TMC4: variants seen among roughly 807,000 people sequenced by gnomAD.
TMC4 encodes voltage-gated chloride channel TMC4.
In TMC4, 70 loss-of-function variants were observed where a neutral mutation model predicts 82.0. That is an observed-to-expected ratio of 0.85 (90% CI 0.70 to 1.04). TMC4 has a LOEUF of 1.04. TMC4 is among the 50% of genes least tolerant of loss of function. The pLI is 0.00. For missense variants in TMC4, 879 were observed against 899.0 expected (o/e 0.98, Z 0.28); for synonymous variants, 446 against 406.0 (o/e 1.10, Z -1.18).
Position 54,167,654 on chromosome 19 carries a change from G to C in TMC4, c.797+517C>G, listed in dbSNP as rs1374967917. ...GATGGAGTTTCTCTCTGTCGCCCAG[G>C]CTGGAGTGCAGTGGCGCAAACTCGG... is the stretch of plus-strand genomic sequence containing the variant. On this transcript the variant is annotated intron_variant, in intron 5 of 14. Coordinates refer to ENST00000619895, the MANE Select transcript of TMC4 (RefSeq NM_144686.4). Among the ~76,000 whole-genome samples the C allele has an allele frequency of 2.0e-5, 3 of 149,946 alleles. No homozygotes were observed. The East Asian group carries it at 6.1e-4, about 31-fold the overall frequency.
At chr19:54,168,080 A>T in intron 5 of TMC4, 91 bp downstream of exon 5, 5 of 1,369,574 alleles carry the variant, frequency 3.7e-6, no homozygotes, top group Non-Finnish European at 4.9e-6. Context: ...AAAAAGACTG[A>T]GGATTCTTGG....
rs2075835362 is a variant in TMC4, at chr19:54,169,621, A to G, written c.333T>C (p.Ser111=). ...NASRDQVVYG[S]GTKTDRWARL... ...GCGCCCATCGGTCCGTCTTAGTTCC[A>G]GAGCCATAGACCACCTGGTCCCTGC... Residue 111 remains serine (S), a synonymous_variant, in exon 3 of 15, where the codon TCT becomes TCC. Transcript: ENST00000619895. 6.2e-7 allele frequency: 1 copy of G among 1,613,930 alleles called. No individual in the cohort carries two copies. Among genetic ancestry groups the G allele is most frequent in the Non-Finnish European group, 8.5e-7 (1 of 1,180,040 alleles).
intron 2 of TMC4, among the ~76,000 whole-genome samples, chr19:54,170,236 T>C (rs1428790719): frequency 6.6e-6 from 1 of 151,136 alleles, no homozygotes; most frequent in African/African-American, 2.4e-5. Flanking sequence ...AGCAGGAGGC[T>C]GGAGTGGGAG....
At chr19:54,170,611 G>A (rs73062684) in intron 2 of TMC4, among the ~76,000 whole-genome samples, 1 of 137,590 alleles carries the variant, frequency 7.3e-6, no homozygotes, top group Non-Finnish European at 1.6e-5. Flanking sequence ...TCCTGTGTTT[G>A]TTTTATTTTA....
At chr19:54,164,684 TC>T in intron 6 of TMC4, 83 bp from the exon 7 acceptor site, 1 of 1,566,888 alleles carries the variant, frequency 6.4e-7, no homozygotes, top group Non-Finnish European at 8.7e-7. Flanking sequence ...TCTCCAGAGA[TC>T]CTCCTTAACG....
chr19:54,170,660 T>C (rs1346536419), intron 2 of TMC4, among the ~76,000 whole-genome samples: 3 of 152,136 alleles, frequency 2.0e-5, no homozygotes, highest in Admixed American at 6.6e-5. Flanking sequence ...CAGACAAATG[T>C]CTCGTTTTGT....
intron 6 of TMC4, among the ~76,000 whole-genome samples, chr19:54,164,997 T>G (rs1453349641): frequency 9.3e-5 from 14 of 150,660 alleles, no homozygotes; most frequent in Non-Finnish European, 5.9e-5. Flanking sequence ...TGCTGGCCGC[T>G]CCCATCACTT....
chr19:54,168,047 G>T, intron 5 of TMC4, 124 bp downstream of exon 5: 2 of 1,232,176 alleles, frequency 1.6e-6, no homozygotes, highest in South Asian at 1.6e-5. Context: ...TGGGCAATAA[G>T]AGCAAAACTC....
chr19:54,161,181 A>C lies in TMC4; in HGVS notation c.1766T>G (p.Leu589Arg). ...GCTGGAGATGGCCAGACCCAGGAGA[A>C]GGACCAAGGGGAAAAAGAAATTCGC... ...SAANFFFPLV[L>R]LLGLAISSVP... Residue 589 changes from leucine (L) to arginine (R), a missense_variant, in exon 12 of 15, where the codon CTT becomes CGT. Leu to Arg is a moderately radical substitution (Grantham distance 102). Transcript: ENST00000619895. 6.3e-7 allele frequency: 1 copy of C among 1,594,326 alleles called. No individual in the cohort carries two copies. The highest frequency in any genetic ancestry group is 8.5e-7 in the Non-Finnish European group (1 of 1,171,902).
chr19:54,161,191 G>A lies in TMC4; in HGVS notation c.1756C>T (p.Pro586Ser), dbSNP rs2075541105. ...FRASAANFFF[P>S]LVLLLGLAIS... is the part of the protein sequence containing the mutation. ...GCCAGACCCAGGAGAAGGACCAAGGGGAAAAAGAAATTCGCCGCGGAGGCC... is the reference window on the plus strand; with the variant it reads ...GCCAGACCCAGGAGAAGGACCAAGGAGAAAAAGAAATTCGCCGCGGAGGCC... The change falls in exon 12 of 15, where the codon CCC (proline) becomes TCC (serine). Residue 586 changes from proline (P) to serine (S), a missense_variant. By Grantham distance (74) the Pro-to-Ser change is moderately conservative. Transcript: ENST00000619895. The A allele has an allele frequency of 1.3e-6, 2 of 1,594,146 alleles. No homozygotes were observed. Among genetic ancestry groups the A allele is most frequent in the Non-Finnish European group, 1.7e-6 (2 of 1,171,512 alleles).
Position 54,161,165 on chromosome 19 carries a change from G to A in TMC4, c.1782C>T (p.Ala594=), listed in dbSNP as rs1279460054. The change falls in exon 12 of 15, where the codon GCC becomes GCT. Residue 594 remains alanine, a synonymous_variant. Coordinates refer to ENST00000619895, the MANE Select transcript of TMC4 (RefSeq NM_144686.4). ...FFPLVLLLGL[A]ISSVPLLYSI... ...TGTAAAGCAGGGGAACGCTGGAGAT[G>A]GCCAGACCCAGGAGAAGGACCAAGG... is the stretch of plus-strand genomic sequence containing the variant. 1 of 1,592,804 alleles carries A rather than the reference G, an allele frequency of 6.3e-7. No individual in the cohort carries two copies.
chr19:54,171,047 T>C (rs189969269), intron 2 of TMC4, among the ~76,000 whole-genome samples: 2 of 130,182 alleles, frequency 1.5e-5, no homozygotes, highest in Admixed American at 1.6e-4. Flanking sequence ...TTATTGTTTT[T>C]TCCATATATA....
Position 54,164,601 on chromosome 19 carries a change from C to T in TMC4, c.946G>A (p.Val316Met). 1.2e-6 allele frequency: 2 copies of T among 1,613,002 alleles called. No individual in the cohort carries two copies. Among genetic ancestry groups the T allele is most frequent in the Non-Finnish European group, 1.7e-6 (2 of 1,179,952 alleles). ...CGCACCACTGTCTCCTCCAGCTCCA[C>T]CTGAAGGCAGGAGAGATGCCCGCTT... ...RQRIILYELK[V>M]ELEETVVRRQ... The change falls in exon 7 of 15, where the codon GTG (valine) becomes ATG (methionine). Residue 316 changes from valine to methionine, a missense_variant and splice_region_variant. Physicochemically the swap from Val to Met is conservative, Grantham distance 21 (BLOSUM62 1). Coordinates refer to ENST00000619895, the MANE Select transcript of TMC4 (RefSeq NM_144686.4).
Position 54,173,065 on chromosome 19 carries a change from C to G in TMC4, c.53G>C (p.Trp18Ser). ...TCCTCTGGCCTCCCGGGGGGCCAGC[C>G]ACTCCCTAGAGGAGCCCCAGGCTTC... ...ESEAWGSSRE[W>S]LAPREARGGP... is the part of the protein sequence containing the mutation. Residue 18 changes from tryptophan (W) to serine (S), a missense_variant, in exon 1 of 15, where the codon TGG (tryptophan) becomes TCG (serine). Transcript: ENST00000619895. 6.2e-7 allele frequency: 1 copy of G among 1,613,566 alleles called. No individual in the cohort carries two copies. The highest frequency in any genetic ancestry group is 1.1e-5 in the South Asian group (1 of 91,066).
At chr19:54,170,075 T>A (rs1011017982) in intron 2 of TMC4, among the ~76,000 whole-genome samples, 2 of 152,000 alleles carry the variant, frequency 1.3e-5, no homozygotes, top group Admixed American at 6.6e-5. Flanking sequence ...CATTCCAGCC[T>A]GGGTGACGGA....
At chr19:54,160,677 G>A in intron 13 of TMC4, 132 bp from the exon 14 acceptor site, 1 of 1,487,808 alleles carries the variant, frequency 6.7e-7, no homozygotes, top group Non-Finnish European at 9.0e-7. Context: ...CAGTCTCCCA[G>A]CCCCTCCGCC....
At chr19:54,163,977 C>CTTCTTCT in intron 7 of TMC4, 90 bp from the exon 8 acceptor site, 1 of 1,019,350 alleles carries the variant, frequency 9.8e-7, no homozygotes, top group African/African-American at 1.9e-5. Flanking sequence ...TCTTCTTCTT[C>CTTCTTCT]TTTTTTTTTT....
intron 3 of TMC4, 95 bp from the exon 4 acceptor site, chr19:54,168,775 CTTTCTTTCTT>C (rs2075771963): frequency 2.4e-6 from 1 of 414,288 alleles, no homozygotes; most frequent in Non-Finnish European, 3.9e-6. Flanking sequence ...GCCTTCCTTT[CTTTCTTTCTT>C]TTCTTTTCTT....
rs1401851351 is a variant in TMC4, at chr19:54,162,252, A to T, written c.1536T>A (p.Gly512=). 1.9e-6 allele frequency: 3 copies of T among 1,602,818 alleles called. No individual in the cohort carries two copies. In the African/African-American group the frequency reaches 4.1e-5, roughly 22 times the overall value. Residue 512 remains glycine, a synonymous_variant, in exon 11 of 15, where the codon GGT becomes GGA. Coordinates refer to ENST00000619895, the MANE Select transcript of TMC4 (RefSeq NM_144686.4). The part of the protein sequence containing the change: ...LLCGLCPGAL[G]RLAGTQEFQV... Reference sequence around the variant, plus strand: ...GGAACTCTTGGGTCCCCGCCAGACGACCCAGCGCCCCAGGACAGAGGCCAC... The same window carrying T: ...GGAACTCTTGGGTCCCCGCCAGACGTCCCAGCGCCCCAGGACAGAGGCCAC...
Sources: allele counts gnomAD v4.1 joint callset (sites outside exome capture counted in the v4.1 genomes callset), GRCh38; gene constraint gnomAD v4.1.1; transcripts MANE v1.5; gene names NCBI Gene and HGNC (gene_info 2026-07-23, HGNC 2026-07-21).